The following TTC3 variants were observed in gnomAD, a reference collection of about 807,000 sequenced individuals.
The protein encoded by TTC3 is tetratricopeptide repeat domain 3.
TTC3 carries 180 observed loss-of-function variants against 249.6 expected under a neutral mutation model. That is an observed-to-expected ratio of 0.72 (90% CI 0.64 to 0.82). TTC3 has a LOEUF of 0.82. Among genes scored for constraint, TTC3 ranks in the 40% least tolerant of loss-of-function variants. TTC3 has a pLI of 0.00. For missense variants in TTC3, 2,061 were observed against 2,398.4 expected (o/e 0.86, Z 2.94); for synonymous variants, 717 against 805.0 (o/e 0.89, Z 1.85).
At chr21:37,095,373 A>G (rs376222392) in exon 9 of TTC3, 2 of 1,606,752 alleles carry the variant, frequency 1.2e-6, no homozygotes, top group African/African-American at 2.7e-5. Context: ...TGAAAATGAA[A>G]GGAAATGAAG....
intron 1 of TTC3, chr21:37,081,882 T>C (rs1168460514): frequency 6.7e-6 from 1 of 149,792 alleles, no homozygotes; most frequent in Non-Finnish European, 1.5e-5. Context: ...TTTTTTTTTT[T>C]AAGATGGAGT....
chr21:37,202,686 T>C lies in TTC3; in HGVS notation c.*1112T>C, dbSNP rs1038445622. The stretch of plus-strand genomic sequence containing the variant: ...TGTGACTTTTAGACAGTGGTAAATA[T>C]AGAACCATGAATTCTGGTCACATTC... On this transcript the variant is annotated 3_prime_UTR_variant, in exon 46 of 46. Transcript: ENST00000355666. 2.0e-5 allele frequency: 3 copies of C among 152,254 alleles called. No homozygotes were observed. In the South Asian group the frequency reaches 6.2e-4, roughly 31 times the overall value. The allele number at this position is 152,254 out of a possible 1,614,324, so 9.4% of individuals were successfully genotyped here.
intron 23 of TTC3, 87 bp downstream of exon 23, chr21:37,148,734 C>A: frequency 1.2e-6 from 1 of 802,384 alleles, no homozygotes. Context: ...GAACATTCTG[C>A]ACATAATTAG....
At chr21:37,089,014 G>A in intron 5 of TTC3, 128 bp downstream of exon 5, 1 of 766,086 alleles carries the variant, frequency 1.3e-6, no homozygotes, top group South Asian at 1.8e-5. Context: ...GTTAACCTGA[G>A]ATAAATCTGC....
Position 37,153,058 on chromosome 21 carries a change from C to CTT in TTC3, c.2522_2523dup (p.Leu842PhefsTer11). 1 of 1,613,912 alleles carries CTT rather than the reference C, an allele frequency of 6.2e-7. No homozygotes were observed. The highest frequency in any genetic ancestry group is 1.1e-5 in the South Asian group (1 of 91,068). On this transcript the variant is annotated frameshift_variant, in exon 27 of 46. Transcript: ENST00000355666. LOFTEE classifies it high-confidence loss of function. ...ATCCGGCATACAGAATACAGCCATG[C>CTT]TTCTCAAAGAATTGCTTTCTTGGAA...
At chr21:37,164,082 G>A in exon 32 of TTC3, 1 of 1,611,172 alleles carries the variant, frequency 6.2e-7, no homozygotes, top group Non-Finnish European at 8.5e-7. Context: ...AGGCCCATTT[G>A]CAGTGCCTGA....
At chr21:37,182,979 C>T in intron 36 of TTC3, 66 bp downstream of exon 36, 1 of 1,311,910 alleles carries the variant, frequency 7.6e-7, no homozygotes, top group East Asian at 2.7e-5. Flanking sequence ...TGGTTATTTT[C>T]ACATTTTTGA....
chr21:37,159,613 A>G (rs1601871830), intron 28 of TTC3, 86 bp from the exon 29 acceptor site: 2 of 1,409,614 alleles, frequency 1.4e-6, no homozygotes, highest in East Asian at 2.4e-5. Context: ...TGCCAGTAGT[A>G]TGAGGAGTTA....
chr21:37,118,673 A>G (rs542120098), intron 11 of TTC3, among the ~76,000 whole-genome samples: 2 of 152,326 alleles, frequency 1.3e-5, no homozygotes, highest in East Asian at 3.9e-4. Flanking sequence ...GGTTGGATCC[A>G]GATTTGTACA....
At chr21:37,186,290 T>A (rs2083265097) in intron 37 of TTC3, among the ~76,000 whole-genome samples, 1 of 152,232 alleles carries the variant, frequency 6.6e-6, no homozygotes, top group Non-Finnish European at 1.5e-5. Context: ...CTTTTCTCAC[T>A]ATTGTTTCTT....
chr21:37,196,027 G>A (rs2084867646), exon 42 of TTC3: 8 of 1,614,000 alleles, frequency 5.0e-6, no homozygotes, highest in Non-Finnish European at 6.8e-6. Context: ...GTATTCCCAT[G>A]TTACAACAGG....
At chr21:37,169,700 T>C (rs568133143) in intron 34 of TTC3, among the ~76,000 whole-genome samples, 3 of 146,478 alleles carry the variant, frequency 2.0e-5, no homozygotes, top group Admixed American at 6.8e-5. Context: ...TAAAAAAAAT[T>C]AGCTGGCCGT....
chr21:37,173,308 G>C (rs2835644), intron 35 of TTC3, among the ~76,000 whole-genome samples: 2 of 151,904 alleles, frequency 1.3e-5, no homozygotes, highest in Non-Finnish European at 2.9e-5. Flanking sequence ...CTACTGTTAT[G>C]ATCATCATCT....
At chr21:37,141,570 C>A (rs190223005) in intron 20 of TTC3, among the ~76,000 whole-genome samples, 29 of 152,144 alleles carry the variant, frequency 1.9e-4, no homozygotes, top group African/African-American at 6.7e-4. Context: ...GAGTTTGAGA[C>A]CAGCCTGACC....
intron 11 of TTC3, among the ~76,000 whole-genome samples, chr21:37,120,953 T>G (rs1390465871): frequency 6.6e-6 from 1 of 152,136 alleles, no homozygotes; most frequent in African/African-American, 2.4e-5. Context: ...CTTAAGTAAG[T>G]GTGATATTAG....
chr21:37,121,951 G>T, exon 12 of TTC3: 5 of 1,611,236 alleles, frequency 3.1e-6, no homozygotes, highest in Non-Finnish European at 4.2e-6. Context: ...AGCATGTAAA[G>T]TTACAAAAAC....
At chr21:37,188,472 T>C in intron 38 of TTC3, 23 bp from the exon 39 acceptor site, 1 of 1,585,258 alleles carries the variant, frequency 6.3e-7, no homozygotes, top group Non-Finnish European at 8.7e-7. Context: ...AAAATACTCA[T>C]ATGTCTTCTG....
chr21:37,155,455 C>T (rs80347649), intron 27 of TTC3, among the ~76,000 whole-genome samples: 8,790 of 152,166 alleles, frequency 0.058, 633 homozygotes, highest in African/African-American at 0.15. Flanking sequence ...TCTCATAAAT[C>T]TTTTATTGTG....
rs751056996 is a variant in TTC3, at chr21:37,091,292, G to T, written c.481-1G>T. The T allele has an allele frequency of 6.2e-7, 1 of 1,606,696 alleles. No homozygotes were observed. Among genetic ancestry groups the T allele is most frequent in the Non-Finnish European group, 8.5e-7 (1 of 1,177,948 alleles). On this transcript the variant is annotated splice_acceptor_variant, in intron 6 of 45. Transcript: ENST00000355666. LOFTEE classifies it high-confidence loss of function. ...CATTCTTCATTTCTCTTTTGAAACA[G>T]AAAATCTTGGCAATGGAAGAAGCTC...
Sources: gnomAD v4.1 joint callset for allele counts (sites outside exome capture counted in the v4.1 genomes callset) on GRCh38, gnomAD v4.1.1 for gene constraint, MANE v1.5 for transcripts, NCBI Gene and HGNC (gene_info 2026-07-23, HGNC 2026-07-21) for gene names.